Variants in C1QTNF3 observed in about 807,000 individuals in gnomAD.
C1QTNF3 encodes the protein complement C1q tumor necrosis factor-related protein 3.
In C1QTNF3, 26 loss-of-function variants were observed where a neutral mutation model predicts 32.6. The ratio of observed to expected loss-of-function variants is 0.80; its 90% CI spans 0.58 to 1.11. The LOEUF (loss-of-function observed/expected upper bound fraction) is 1.11. Among genes scored for constraint, C1QTNF3 ranks in the 50% least tolerant of loss-of-function variants. C1QTNF3 has a pLI of 0.00. For missense variants in C1QTNF3, 362 were observed against 398.2 expected (o/e 0.91, Z 0.77); for synonymous variants, 155 against 146.0 (o/e 1.06, Z -0.44).
chr5:34,182,522 A>T, the C1QTNF3 span, among the ~76,000 whole-genome samples: 4 of 151,960 alleles, frequency 2.6e-5, no homozygotes, highest in African/African-American at 9.7e-5. Flanking sequence ...AATAAATAAA[A>T]AATCTGGGCC....
chr5:34,163,032 A>G, the C1QTNF3 span, among the ~76,000 whole-genome samples: 1 of 152,164 alleles, frequency 6.6e-6, no homozygotes, highest in African/African-American at 2.4e-5. Flanking sequence ...TGTTCCTCAT[A>G]CAATGGGCAT....
At chr5:34,229,159 C>A in the C1QTNF3 span, among the ~76,000 whole-genome samples, 1 of 152,184 alleles carries the variant, frequency 6.6e-6, no homozygotes, top group East Asian at 1.9e-4. Context: ...AATGCAACTT[C>A]TGTCACTAAA....
the C1QTNF3 span, among the ~76,000 whole-genome samples, chr5:34,096,984 A>C: frequency 1.2e-4 from 18 of 151,418 alleles, no homozygotes; most frequent in African/African-American, 4.4e-4. Context: ...CAAAACAATA[A>C]AAAACCCATT....
the C1QTNF3 span, among the ~76,000 whole-genome samples, chr5:34,145,692 A>T: frequency 2.0e-5 from 3 of 151,686 alleles, no homozygotes; most frequent in African/African-American, 7.3e-5. Flanking sequence ...AAAAAAAAAA[A>T]AAAAAATCAA....
At chr5:34,222,161 A>G in the C1QTNF3 span, among the ~76,000 whole-genome samples, 16 of 151,826 alleles carry the variant, frequency 1.1e-4, no homozygotes, top group Non-Finnish European at 1.6e-4. Context: ...ATATTAGGGG[A>G]AAAAAAACTC....
At chr5:34,213,409 G>A in the C1QTNF3 span, among the ~76,000 whole-genome samples, 1 of 151,852 alleles carries the variant, frequency 6.6e-6, no homozygotes, top group African/African-American at 2.4e-5. Flanking sequence ...TAAGTACCAG[G>A]ATAAAAGAGA....
the C1QTNF3 span, among the ~76,000 whole-genome samples, chr5:34,223,416 T>C: frequency 1.4e-5 from 2 of 147,132 alleles, no homozygotes. Context: ...ATCCAGTCTA[T>C]CATTGTTGGA....
the C1QTNF3 span, among the ~76,000 whole-genome samples, chr5:34,048,696 A>G: frequency 6.6e-6 from 1 of 152,146 alleles, no homozygotes; most frequent in Admixed American, 6.5e-5. Context: ...AAGCCAAAAA[A>G]AAAAAAAAGA....
At chr5:34,052,241 G>C in the C1QTNF3 span, among the ~76,000 whole-genome samples, 157 of 152,232 alleles carry the variant, frequency 1.0e-3, no homozygotes, top group African/African-American at 3.7e-3. Context: ...TGTCCCACTC[G>C]ATAGACATCC....
chr5:34,132,003 A>C, the C1QTNF3 span, among the ~76,000 whole-genome samples: 2 of 152,250 alleles, frequency 1.3e-5, no homozygotes, highest in Non-Finnish European at 2.9e-5. Context: ...CGATAAATTT[A>C]CATAGTTAAA....
chr5:34,115,280 T>C, the C1QTNF3 span, among the ~76,000 whole-genome samples: 1 of 152,228 alleles, frequency 6.6e-6, no homozygotes, highest in African/African-American at 2.4e-5. Context: ...TATCTAATGC[T>C]GGATAGTTTC....
the C1QTNF3 span, among the ~76,000 whole-genome samples, chr5:34,212,058 A>G: frequency 7.9e-5 from 12 of 152,124 alleles, no homozygotes; most frequent in Non-Finnish European, 1.2e-4. Flanking sequence ...AAACAGAGAT[A>G]TAGATCAATG....
the C1QTNF3 span, among the ~76,000 whole-genome samples, chr5:34,107,528 C>T: frequency 6.6e-6 from 1 of 151,540 alleles, no homozygotes; most frequent in South Asian, 2.1e-4. Context: ...ATTTTGGATG[C>T]AAACAAGATA....
chr5:34,144,865 C>T, the C1QTNF3 span, among the ~76,000 whole-genome samples: 1 of 152,176 alleles, frequency 6.6e-6, no homozygotes, highest in Non-Finnish European at 1.5e-5. Flanking sequence ...TAACTAGGCT[C>T]ATGCCTGTAA....
At chr5:34,058,277 A>G in the C1QTNF3 span, among the ~76,000 whole-genome samples, 1 of 151,956 alleles carries the variant, frequency 6.6e-6, no homozygotes, top group African/African-American at 2.4e-5. Flanking sequence ...TTCTCTGAAG[A>G]CCACGTGCTC....
At chr5:34,071,698 G>A in the C1QTNF3 span, among the ~76,000 whole-genome samples, 1 of 152,064 alleles carries the variant, frequency 6.6e-6, no homozygotes, top group East Asian at 1.9e-4. Flanking sequence ...TTCAGCCAGG[G>A]GTGCTCTAAT....
chr5:34,160,586 G>C, the C1QTNF3 span, among the ~76,000 whole-genome samples: 24 of 152,068 alleles, frequency 1.6e-4, no homozygotes, highest in Non-Finnish European at 3.2e-4. Flanking sequence ...TAAGAGTTCC[G>C]TTACTCTAGA....
chr5:34,137,006 G>A, the C1QTNF3 span, among the ~76,000 whole-genome samples: 69 of 151,924 alleles, frequency 4.5e-4, no homozygotes, highest in African/African-American at 1.7e-3. Context: ...GGGGGGTGGG[G>A]GCCTGGGGGA....
Position 34,028,804 on chromosome 5 carries a change from A to G in C1QTNF3, c.650T>C (p.Ile217Thr), listed in dbSNP as rs751701557. ...GIIFSSVETN[I>T]GNFFDVMTGR... ...AGTCATGACATCAAAGAAGTTTCCAATGTTGGTCTCAACACTGCTGAAGAT... is the reference window on the plus strand; with the variant it reads ...AGTCATGACATCAAAGAAGTTTCCAGTGTTGGTCTCAACACTGCTGAAGAT... Residue 217 changes from isoleucine to threonine, a missense_variant, in exon 4 of 6, where the codon ATT becomes ACT. Coordinates refer to ENST00000382065, the MANE Select transcript of C1QTNF3 (RefSeq NM_181435.6). The G allele has an allele frequency of 1.2e-5, 20 of 1,612,380 alleles. No individual in the cohort carries two copies. Among genetic ancestry groups the G allele is most frequent in the Admixed American group, 3.3e-5 (2 of 59,800 alleles).
Sources: gnomAD v4.1 joint callset for allele counts (sites outside exome capture counted in the v4.1 genomes callset) on GRCh38, gnomAD v4.1.1 for gene constraint, MANE v1.5 for transcripts, NCBI Gene and HGNC (gene_info 2026-07-23, HGNC 2026-07-21) for gene names.